NACC2: variants seen among roughly 807,000 people sequenced by gnomAD.
The protein encoded by NACC2 is nucleus accumbens-associated protein 2.
A neutral mutation model predicts 25.1 loss-of-function variants in NACC2; 8 were observed. The ratio of observed to expected loss-of-function variants is 0.32; its 90% confidence interval spans 0.19 to 0.57. NACC2 has a LOEUF of 0.57. Ranked by LOEUF, NACC2 falls within the 20% of genes least tolerant of loss-of-function variation. The pLI is 0.89. For missense variants in NACC2, 644 were observed against 650.2 expected, an observed-to-expected ratio of 0.99 and a Z score of 0.10; for synonymous variants, 435 against 294.7, an observed-to-expected ratio of 1.48 and a Z score of -4.88.
At chr9:136,083,484 G>A (rs1830346539) in intron 1 of NACC2, among the ~76,000 whole-genome samples, 1 of 152,240 alleles carries the variant, frequency 6.6e-6, no homozygotes. Context: ...ACTGTATTTG[G>A]AACTAGGGTC....
chr9:136,019,284 G>A lies in NACC2; in HGVS notation c.887-2855C>T, dbSNP rs577373758. 1 of 152,262 alleles carries A rather than the reference G, an allele frequency of 6.6e-6. No homozygotes were observed. Among genetic ancestry groups the A allele is most frequent in the Non-Finnish European group, 1.5e-5 (1 of 68,082 alleles). 9.4% of individuals were successfully genotyped at this position (152,262 alleles called of 1,614,324 possible). On this transcript the variant is annotated intron_variant, in intron 2 of 5. Coordinates refer to ENST00000277554, the MANE Select transcript of NACC2 (RefSeq NM_144653.5). The surrounding 1 kb of genome is among the most constrained non-coding windows in gnomAD (Gnocchi z 5.2). ...GCTCATCCCTCGTGGCCCCCGGAAG[G>A]GCCATTCAGAGGCCCCGTGAGTCGG...
intron 1 of NACC2, among the ~76,000 whole-genome samples, chr9:136,077,355 C>T (rs1359976334): frequency 6.6e-6 from 1 of 152,044 alleles, no homozygotes; most frequent in Non-Finnish European, 1.5e-5. Context: ...ACAAAAAAAG[C>T]AGAAGAGAAA....
At chr9:136,079,643 T>C (rs1830300581) in intron 1 of NACC2, among the ~76,000 whole-genome samples, 2 of 152,182 alleles carry the variant, frequency 1.3e-5, no homozygotes, top group African/African-American at 4.8e-5. Context: ...CCAGAGCTCC[T>C]TCCTGGGGCC....
Position 136,018,096 on chromosome 9 carries a change from C to A in NACC2, c.887-1667G>T, listed in dbSNP as rs1466570392. Among the ~76,000 whole-genome samples the A allele has an allele frequency of 6.6e-6, 1 of 152,152 alleles. No homozygotes were observed. The highest frequency in any genetic ancestry group is 1.9e-4 in the East Asian group (1 of 5,182). On this transcript the variant is annotated intron_variant, in intron 2 of 5. Coordinates refer to ENST00000277554, the MANE Select transcript of NACC2 (RefSeq NM_144653.5). This position sits in a 1 kb window ranked among gnomAD's most constrained non-coding sequence, Gnocchi z 4.4. ...GGTGGGGTGGAACCTGCACGTCCAG[C>A]AGGCTCGGGGCAGGCAGCTCCATGC...
Position 136,050,132 on chromosome 9 carries a change from C to T in NACC2, c.390G>A (p.Ser130=), listed in dbSNP as rs1840797799. 1.3e-6 allele frequency: 1 copy of T among 764,116 alleles called. No homozygotes were observed. Among genetic ancestry groups the T allele is most frequent in the Non-Finnish European group, 2.4e-6 (1 of 413,336 alleles). 47.3% of individuals were successfully genotyped at this position (764,116 alleles called of 1,614,324 possible). A position where few individuals can be genotyped will look rare whatever the true frequency, so the allele number is the denominator to read the frequency against. The change falls in exon 2 of 6, where the codon TCG becomes TCA. Residue 130 remains serine, a synonymous_variant. Transcript: ENST00000277554. ...MFKVSSPHCD[S]QTAVIEDAGS... ...CGGCGTCCTCGATCACAGCGGTCTGCGAGTCGCAGTGGGGCGAGCTCACCT... is the reference window on the plus strand; with the variant it reads ...CGGCGTCCTCGATCACAGCGGTCTGTGAGTCGCAGTGGGGCGAGCTCACCT...
chr9:136,031,158 A>G (rs947779027), intron 2 of NACC2, among the ~76,000 whole-genome samples: 1 of 152,236 alleles, frequency 6.6e-6, no homozygotes, highest in Non-Finnish European at 1.5e-5. Flanking sequence ...TTAAGAATGA[A>G]ATAGCACAGC....
intron 1 of NACC2, among the ~76,000 whole-genome samples, chr9:136,083,303 G>A (rs1242559914): frequency 6.6e-6 from 1 of 152,160 alleles, no homozygotes; most frequent in Non-Finnish European, 1.5e-5. Context: ...GCACGCGGAG[G>A]TCATCTCCTT....
chr9:136,046,841 G>A (rs915564486), intron 2 of NACC2, among the ~76,000 whole-genome samples: 49 of 152,186 alleles, frequency 3.2e-4, no homozygotes, highest in African/African-American at 1.0e-3. Flanking sequence ...ACCATGGGGC[G>A]GGGGCTGTGC....
At position 136,086,054 on chromosome 9, in the gene NACC2, G is replaced by A. The variant is rs566722365; in HGVS notation, c.-60+9135C>T. 1.1e-4 allele frequency among the ~76,000 whole-genome samples: 16 copies of A among 152,318 alleles called. No homozygotes were observed. In the East Asian group the frequency reaches 1.2e-3, roughly 11 times the overall value. On this transcript the variant is annotated intron_variant, in intron 1 of 5. Coordinates refer to ENST00000277554, the MANE Select transcript of NACC2 (RefSeq NM_144653.5). This position sits in a 1 kb window ranked among gnomAD's most constrained non-coding sequence, Gnocchi z 5.6. ...GGTTGGCAGAGCCCGGAGTCCGGGCGCCACGCAGGGCAGCTCCGACGGGCA... is the reference window on the plus strand; with the variant it reads ...GGTTGGCAGAGCCCGGAGTCCGGGCACCACGCAGGGCAGCTCCGACGGGCA...
At chr9:136,032,407 G>A (rs1484528169) in intron 2 of NACC2, among the ~76,000 whole-genome samples, 1 of 152,094 alleles carries the variant, frequency 6.6e-6, no homozygotes, top group Non-Finnish European at 1.5e-5. Context: ...CTTAACCTAG[G>A]AAATGAAATA....
chr9:136,013,163 CG>C lies in NACC2; in HGVS notation c.1255+35del. On this transcript the variant is annotated intron_variant, in intron 5 of 5. Coordinates refer to ENST00000277554, the MANE Select transcript of NACC2 (RefSeq NM_144653.5). The surrounding 1 kb of genome is among the most constrained non-coding windows in gnomAD (Gnocchi z 6.6). ...TCAGGCTGGGATCTGAACCCAGCCC[CG>C]GCCCCACCCACCCGAGAGACCCCCA... 2.4e-6 allele frequency: 2 copies of C among 844,764 alleles called. No individual in the cohort carries two copies. The highest frequency in any genetic ancestry group is 2.0e-6 in the Non-Finnish European group (1 of 491,728). 52.3% of individuals were successfully genotyped at this position (844,764 alleles called of 1,614,324 possible).
chr9:136,038,081 A>G (rs924696429), intron 2 of NACC2, among the ~76,000 whole-genome samples: 3 of 152,260 alleles, frequency 2.0e-5, no homozygotes, highest in Non-Finnish European at 4.4e-5. Flanking sequence ...AAGAGGCCAC[A>G]TACTGTATAC....
chr9:136,063,607 A>G (rs1481348229), intron 1 of NACC2, among the ~76,000 whole-genome samples: 1 of 152,192 alleles, frequency 6.6e-6, no homozygotes, highest in Non-Finnish European at 1.5e-5. Context: ...AAAAAGGCCG[A>G]GCACGGTGGC....
intron 1 of NACC2, among the ~76,000 whole-genome samples, chr9:136,064,706 T>C (rs965537280): frequency 1.3e-5 from 2 of 152,176 alleles, no homozygotes; most frequent in African/African-American, 4.8e-5. Context: ...TTTGCCAACA[T>C]TGTCGAGCTG....
intron 1 of NACC2, among the ~76,000 whole-genome samples, chr9:136,076,248 A>C (rs543753319): frequency 6.6e-6 from 1 of 152,096 alleles, no homozygotes; most frequent in African/African-American, 2.4e-5. Context: ...GCCCTGCGGA[A>C]CTCGAAGAAG....
rs921040783 is a variant in NACC2 at position 136,029,541 on chromosome 9, G to A, written c.887-13112C>T. 5.9e-5 allele frequency among the ~76,000 whole-genome samples: 9 copies of A among 152,362 alleles called. No homozygotes were observed. In the East Asian group the frequency reaches 1.4e-3, roughly 23 times the overall value. On this transcript the variant is annotated intron_variant, in intron 2 of 5. Coordinates refer to ENST00000277554, the MANE Select transcript of NACC2 (RefSeq NM_144653.5). ...CTGAAACATGCCCCTTGCCCACCACGTTGTGGGCAATGAGGAGAGAAGAGC... is the reference window on the plus strand; with the variant it reads ...CTGAAACATGCCCCTTGCCCACCACATTGTGGGCAATGAGGAGAGAAGAGC...
In NACC2 at chr9:136,013,060, T is replaced by A; in HGVS notation, c.1255+139A>T. The stretch of plus-strand genomic sequence containing the variant: ...CTGCTCTTTTCTCCTCATCTTCCCC[T>A]CAATCAGACCATGCTCGGCCCCCAG... On this transcript the variant is annotated intron_variant, in intron 5 of 5. Coordinates refer to ENST00000277554, the MANE Select transcript of NACC2 (RefSeq NM_144653.5). This position sits in a 1 kb window ranked among gnomAD's most constrained non-coding sequence, Gnocchi z 6.6. 1.6e-6 allele frequency: 1 copy of A among 642,902 alleles called. No homozygotes were observed. Among genetic ancestry groups the A allele is most frequent in the Non-Finnish European group, 2.7e-6 (1 of 373,374 alleles). The allele number at this position is 642,902 out of a possible 1,614,324, so 39.8% of individuals were successfully genotyped here.
Position 136,013,159 on chromosome 9 carries a change from G to GCCCCCGCCCCCCCCCCCC in NACC2, c.1255+39_1255+40insGGGGGGGGGGGGCGGGGG. 1.3e-6 allele frequency: 1 copy of GCCCCCGCCCCCCCCCCCC among 754,886 alleles called. No homozygotes were observed. Among genetic ancestry groups the GCCCCCGCCCCCCCCCCCC allele is most frequent in the Non-Finnish European group, 2.3e-6 (1 of 425,912 alleles). 46.8% of individuals were successfully genotyped at this position (754,886 alleles called of 1,614,324 possible). ...CTCCTCAGGCTGGGATCTGAACCCA[G>GCCCCCGCCCCCCCCCCCC]CCCCGGCCCCACCCACCCGAGAGAC... is the stretch of plus-strand genomic sequence containing the variant. On this transcript the variant is annotated intron_variant, in intron 5 of 5. Coordinates refer to ENST00000277554, the MANE Select transcript of NACC2 (RefSeq NM_144653.5). This position sits in a 1 kb window ranked among gnomAD's most constrained non-coding sequence, Gnocchi z 6.6.
At position 136,011,650 on chromosome 9, in the gene NACC2, C is replaced by A; in HGVS notation, c.1630G>T (p.Ala544Ser). The A allele has an allele frequency of 2.9e-6, 4 of 1,402,396 alleles. No individual in the cohort carries two copies. Among genetic ancestry groups the A allele is most frequent in the Non-Finnish European group, 3.7e-6 (4 of 1,083,706 alleles). The allele number at this position is 1,402,396 out of a possible 1,614,324, so 86.9% of individuals were successfully genotyped here. ...CCATCGGCGGGCAGCGGCTCGGGGG[C>A]GGCCACCTCCTGGATGACCGAGCCA... ...GAGSVIQEVA[A>S]PEPLPADGQS... is the part of the protein sequence containing the mutation. Residue 544 changes from alanine to serine, a missense_variant, in exon 6 of 6, where the codon GCC (alanine) becomes TCC (serine). Physicochemically the swap from Ala to Ser is moderately conservative, Grantham distance 99. Transcript: ENST00000277554.
Sources: gnomAD v4.1 joint callset for allele counts (sites outside exome capture counted in the v4.1 genomes callset) on GRCh38, gnomAD v4.1.1 for gene constraint, Gnocchi (gnomAD v3.1) non-coding constraint, MANE v1.5 for transcripts, NCBI Gene and HGNC (gene_info 2026-07-23, HGNC 2026-07-21) for gene names.